Variants in BAHCC1 observed in about 807,000 individuals in gnomAD.
BAHCC1 encodes the protein BAH domain and coiled-coil containing 1, also known as BAH and coiled-coil domain-containing protein 1.
BAHCC1 carries 43 observed loss-of-function variants against 88.2 expected under a neutral mutation model. The observed-to-expected ratio is 0.49, with a 90% CI of 0.38 to 0.63. The LOEUF (loss-of-function observed/expected upper bound fraction) is 0.63. Among genes scored for constraint, BAHCC1 ranks in the 20% least tolerant of loss-of-function variants. The pLI is 0.00. For synonymous variants in BAHCC1, 1,510 were observed against 745.5 expected, an observed-to-expected ratio of 2.03 and a Z score of -16.71; for missense variants, 3,023 against 1,654.8, an observed-to-expected ratio of 1.83 and a Z score of -14.34.
In BAHCC1 at chr17:81,426,451, T is replaced by TG. The variant is rs1555650524; in HGVS notation, c.179-348dup. Among the ~76,000 whole-genome samples the TG allele has an allele frequency of 6.7e-5, 4 of 59,486 alleles. 1 individual carries two copies. Among genetic ancestry groups the TG allele is most frequent in the South Asian group, 1.3e-3 (2 of 1,586 alleles). The allele number at this position is 59,486 out of a possible 152,430, so 39.0% of individuals were successfully genotyped here. A position where few individuals can be genotyped will look rare whatever the true frequency, so the allele number is the denominator to read the frequency against. On this transcript the variant is annotated intron_variant, in intron 2 of 27. Transcript: ENST00000675386. ...TGGTGGGTGATGTGGTTGGGGGTGA[T>TG]GTGGGTGATGTGGTTGGGGGTGATA... is the stretch of plus-strand genomic sequence containing the variant.
chr17:81,461,654 T>A lies in BAHCC1; in HGVS notation c.6991T>A (p.Ser2331Thr), dbSNP rs781828565. The stretch of plus-strand genomic sequence containing the variant: ...CTCGTCCACCTCCTCCTCCTCAGGC[T>A]CCGTGTCCACCTCCAGCCTCTGCTC... ...SGSSTSSSSGSVSTSSLCSSD... is the reference protein window; with the variant it reads ...SGSSTSSSSGTVSTSSLCSSD... The change falls in exon 26 of 28, where the codon TCC (serine) becomes ACC (threonine). Residue 2331 changes from serine (S) to threonine (T), a missense_variant. Coordinates refer to ENST00000675386, the MANE Select transcript of BAHCC1 (RefSeq NM_001377448.1). 1.4e-6 allele frequency: 1 copy of A among 734,984 alleles called. No homozygotes were observed. Among genetic ancestry groups the A allele is most frequent in the Non-Finnish European group, 2.5e-6 (1 of 394,968 alleles). 45.5% of individuals were successfully genotyped at this position (734,984 alleles called of 1,614,324 possible). A position where few individuals can be genotyped will look rare whatever the true frequency, so the allele number is the denominator to read the frequency against.
chr17:81,397,776 C>T (rs562622895), intron 1 of BAHCC1, among the ~76,000 whole-genome samples: 115 of 152,242 alleles, frequency 7.6e-4, no homozygotes, highest in Non-Finnish European at 1.5e-4. Context: ...GGGGAGAGAG[C>T]TGGCGATCCC....
intron 9 of BAHCC1, 39 bp from the exon 10 acceptor site, chr17:81,445,315 G>T: frequency 1.3e-6 from 1 of 747,774 alleles, no homozygotes; most frequent in Non-Finnish European, 2.5e-6. Flanking sequence ...GGGGTCAGGG[G>T]ATCCTGAGCC....
chr17:81,428,838 C>T (rs1191404233), intron 3 of BAHCC1, among the ~76,000 whole-genome samples: 1 of 152,268 alleles, frequency 6.6e-6, no homozygotes, highest in Non-Finnish European at 1.5e-5. Context: ...GGCCCGGCAT[C>T]GGTGGGTTCC....
chr17:81,455,986 T>A (rs370738699), intron 15 of BAHCC1, among the ~76,000 whole-genome samples: 1 of 152,134 alleles, frequency 6.6e-6, no homozygotes, highest in Non-Finnish European at 1.5e-5. Flanking sequence ...TGCTGTTTTA[T>A]CCCTCCCTTT....
chr17:81,461,608 C>A lies in BAHCC1; in HGVS notation c.6945C>A (p.Ser2315=). Residue 2315 remains serine, a synonymous_variant, in exon 26 of 28, where the codon TCC becomes TCA. Transcript: ENST00000675386. ...GVPSRFLARL[S]VSSSSSGSST... is the part of the protein sequence containing the mutation. ...CCTCCCGCTTCCTCGCCCGCCTGTC[C>A]GTGTCCTCTTCCTCCTCTGGCTCGT... 2.7e-6 allele frequency: 2 copies of A among 736,974 alleles called. No individual in the cohort carries two copies. Among genetic ancestry groups the A allele is most frequent in the East Asian group, 2.5e-5 (1 of 39,258 alleles). 45.7% of individuals were successfully genotyped at this position (736,974 alleles called of 1,614,324 possible).
At chr17:81,425,463 GGTGATGTGGTTGGT>G (rs1344503091) in intron 2 of BAHCC1, among the ~76,000 whole-genome samples, 6 of 81,120 alleles carry the variant, frequency 7.4e-5, no homozygotes, top group South Asian at 3.5e-4. Flanking sequence ...GATAGTGGTG[GGTGATGTGGTTGGT>G]GTGATGTGGT....
intron 2 of BAHCC1, among the ~76,000 whole-genome samples, chr17:81,403,401 A>C (rs11150784): frequency 6.6e-6 from 1 of 151,718 alleles, no homozygotes; most frequent in South Asian, 2.1e-4. Flanking sequence ...TTATTGTGGG[A>C]GAAAGGCGAA....
rs782281838 is a variant in BAHCC1, at chr17:81,441,986, A to G, written c.637A>G (p.Lys213Glu). The change falls in exon 5 of 28, where the codon AAG becomes GAG. Residue 213 changes from lysine to glutamate, a missense_variant. Lys to Glu is a moderately conservative substitution (Grantham distance 56). Transcript: ENST00000675386. ...GEAGSLQKGP[K>E]DFDRFLVGKE... is the part of the protein sequence containing the mutation. Reference sequence around the variant, plus strand: ...GGCAGGCTCCCTGCAGAAGGGCCCCAAGGACTTCGACCGCTTCCTCGTGGG... The same window carrying G: ...GGCAGGCTCCCTGCAGAAGGGCCCCGAGGACTTCGACCGCTTCCTCGTGGG... The G allele has an allele frequency of 1.3e-6, 1 of 749,792 alleles. No homozygotes were observed. The highest frequency in any genetic ancestry group is 1.4e-5 in the South Asian group (1 of 72,360). The allele number at this position is 749,792 out of a possible 1,614,324, so 46.4% of individuals were successfully genotyped here.
At position 81,455,404 on chromosome 17, in the gene BAHCC1, C is replaced by G. The variant is rs187771536; in HGVS notation, c.4569+14C>G. The G allele has an allele frequency of 2.9e-5, 21 of 714,498 alleles. No individual in the cohort carries two copies. The highest frequency in any genetic ancestry group is 2.4e-4 in the African/African-American group (14 of 57,378). The allele number at this position is 714,498 out of a possible 1,614,324, so 44.3% of individuals were successfully genotyped here. On this transcript the variant is annotated intron_variant, in intron 15 of 27. Transcript: ENST00000675386. ...ACTGCCTCCGTGGTGAGTGCCGAGG[C>G]GCCCGCCTTGCCCCAGGGCCCTTCA...
Position 81,460,310 on chromosome 17 carries a change from CAGTAGT to C in BAHCC1, c.5940_5945del (p.Val1982_Val1983del). On this transcript the variant is annotated inframe_deletion, in exon 24 of 28. Coordinates refer to ENST00000675386, the MANE Select transcript of BAHCC1 (RefSeq NM_001377448.1). ...GGTGACGAAGATGAGGACCTGGACT[CAGTAGT>C]GGTGGAATTTGACGATGGGGATACA... 1 of 776,526 alleles carries C rather than the reference CAGTAGT, an allele frequency of 1.3e-6. No homozygotes were observed. Among genetic ancestry groups the C allele is most frequent in the South Asian group, 1.4e-5 (1 of 73,652 alleles). The allele number at this position is 776,526 out of a possible 1,614,324, so 48.1% of individuals were successfully genotyped here. A position where few individuals can be genotyped will look rare whatever the true frequency, so the allele number is the denominator to read the frequency against.
chr17:81,464,213 T>C lies in BAHCC1; in HGVS notation c.*396T>C, dbSNP rs1429963164. On this transcript the variant is annotated 3_prime_UTR_variant, in exon 28 of 28. Coordinates refer to ENST00000675386, the MANE Select transcript of BAHCC1 (RefSeq NM_001377448.1). The stretch of plus-strand genomic sequence containing the variant: ...GTCTATTTATTTCTCTATGTAAATA[T>C]TGTATTTCTGCGGGGAAATTTTATG... 3 of 274,398 alleles carry C rather than the reference T, an allele frequency of 1.1e-5. No homozygotes were observed. Among genetic ancestry groups the C allele is most frequent in the African/African-American group, 4.3e-5 (2 of 46,204 alleles). 17.0% of individuals were successfully genotyped at this position (274,398 alleles called of 1,614,324 possible). A position where few individuals can be genotyped will look rare whatever the true frequency, so the allele number is the denominator to read the frequency against.
intron 10 of BAHCC1, among the ~76,000 whole-genome samples, chr17:81,446,355 C>A (rs2064526829): frequency 6.7e-6 from 1 of 150,202 alleles, no homozygotes; most frequent in Admixed American, 6.7e-5. Flanking sequence ...TCAGGGAAAA[C>A]CCTGATTAAA....
intron 3 of BAHCC1, among the ~76,000 whole-genome samples, chr17:81,430,308 G>A (rs935175386): frequency 2.0e-5 from 3 of 152,190 alleles, no homozygotes; most frequent in Non-Finnish European, 4.4e-5. Flanking sequence ...AGGGGTGGGG[G>A]CAGGGGCTGC....
chr17:81,452,942 C>T, intron 14 of BAHCC1, 91 bp downstream of exon 14: 1 of 618,500 alleles, frequency 1.6e-6, no homozygotes, highest in South Asian at 1.8e-5. Context: ...CCTGAGGCTT[C>T]CAGGCTGCTG....
At position 81,459,542 on chromosome 17, in the gene BAHCC1, C is replaced by A. The variant is rs782425010; in HGVS notation, c.5843C>A (p.Thr1948Lys). 1 of 779,638 alleles carries A rather than the reference C, an allele frequency of 1.3e-6. No individual in the cohort carries two copies. Among genetic ancestry groups the A allele is most frequent in the East Asian group, 2.4e-5 (1 of 41,220 alleles). The allele number at this position is 779,638 out of a possible 1,614,324, so 48.3% of individuals were successfully genotyped here. Residue 1948 changes from threonine to lysine, a missense_variant, in exon 23 of 28, where the codon ACG becomes AAG. Transcript: ENST00000675386. ...TCCAGCCGGTACCTCCCGCCCGGCA[C>A]GCGGGTCTGCGCCTACTGGAGTCAG... Reference protein sequence around the residue: ...PQSSRYLPPGTRVCAYWSQKS... With the variant: ...PQSSRYLPPGKRVCAYWSQKS...
rs782541841 is a variant in BAHCC1 at position 81,442,949 on chromosome 17, G to A, written c.1600G>A (p.Gly534Ser). ...DKTVGKEAPA[G>S]PPGAQKVARI... ...GACTGTTGGCAAGGAAGCCCCGGCC[G>A]GCCCCCCAGGGGCACAGAAGGTGGC... The change falls in exon 5 of 28, where the codon GGC (glycine) becomes AGC (serine). Residue 534 changes from glycine to serine, a missense_variant. Transcript: ENST00000675386. 43 of 778,910 alleles carry A rather than the reference G, an allele frequency of 5.5e-5. No individual in the cohort carries two copies. Among genetic ancestry groups the A allele is most frequent in the South Asian group, 5.4e-5 (4 of 74,612 alleles). 48.2% of individuals were successfully genotyped at this position (778,910 alleles called of 1,614,324 possible).
intron 16 of BAHCC1, among the ~76,000 whole-genome samples, chr17:81,457,195 C>A (rs991263601): frequency 6.6e-6 from 1 of 152,136 alleles, no homozygotes; most frequent in African/African-American, 2.4e-5. Flanking sequence ...AAGAAAAAAA[C>A]ACCCCTCCCC....
chr17:81,443,912 G>A lies in BAHCC1; in HGVS notation c.2319G>A (p.Leu773=), dbSNP rs1555653539. ...TGGGGCTTGCCAGCCGCGAGCTGCT[G>A]CTGCAGTGAGAGCTGGGCCTGTGGC... ...DRLGLASREL[L]LQDSKDRVEF... Residue 773 remains leucine (L), a synonymous_variant, in exon 6 of 28, where the codon CTG becomes CTA. Coordinates refer to ENST00000675386, the MANE Select transcript of BAHCC1 (RefSeq NM_001377448.1). 7 of 710,862 alleles carry A rather than the reference G, an allele frequency of 9.8e-6. No homozygotes were observed. The highest frequency in any genetic ancestry group is 2.7e-5 in the East Asian group (1 of 37,288). The allele number at this position is 710,862 out of a possible 1,614,324, so 44.0% of individuals were successfully genotyped here.
Sources: allele counts gnomAD v4.1 joint callset (sites outside exome capture counted in the v4.1 genomes callset), GRCh38; gene constraint gnomAD v4.1.1; transcripts MANE v1.5; gene names NCBI Gene and HGNC (gene_info 2026-07-23, HGNC 2026-07-21).